Variants in FBXL16 observed in about 807,000 individuals in gnomAD.
FBXL16 encodes F-box/LRR-repeat protein 16.
A neutral mutation model predicts 36.7 loss-of-function variants in FBXL16; 7 were observed. That is an observed-to-expected ratio of 0.19 (90% confidence interval 0.11 to 0.36). The LOEUF is 0.36. Ranked by LOEUF, FBXL16 falls within the 10% of genes least tolerant of loss-of-function variation. FBXL16 has a pLI of 1.00. For missense variants in FBXL16, 463 were observed against 659.4 expected, an observed-to-expected ratio of 0.70 and a Z score of 3.26; for synonymous variants, 355 against 308.7, an observed-to-expected ratio of 1.15 and a Z score of -1.57.
In FBXL16 at chr16:694,388, G is replaced by A. The variant is rs768934814; in HGVS notation, c.1327C>T (p.Leu443=). 2 of 1,545,236 alleles carry A rather than the reference G, an allele frequency of 1.3e-6. No homozygotes were observed. Among genetic ancestry groups the A allele is most frequent in the Non-Finnish European group, 1.7e-6 (2 of 1,155,052 alleles). The change falls in exon 6 of 6, where the codon CTG becomes TTG. Residue 443 remains leucine (L), a synonymous_variant. Transcript: ENST00000397621. ...TCCTCCAGCTCCTGCAGCTGCACCA[G>A]GCCCGACAGCCCGGTGGTGGTGAGC... ...PLLTTTGLSG[L]VQLQELEELE...
rs769174917 is a variant in FBXL16 at position 692,684 on chromosome 16, C to T, written c.*1591G>A. On this transcript the variant is annotated 3_prime_UTR_variant, in exon 6 of 6. Coordinates refer to ENST00000397621, the MANE Select transcript of FBXL16 (RefSeq NM_153350.4). ...GTTTTCCTCTCTCCCCTTAATTTTT[C>T]CTCCTACAGTCGTTGGAAATATCAC... 1 of 152,492 alleles carries T rather than the reference C, an allele frequency of 6.6e-6. No individual in the cohort carries two copies. The highest frequency in any genetic ancestry group is 2.4e-5 in the African/African-American group (1 of 41,420). 9.4% of individuals were successfully genotyped at this position (152,492 alleles called of 1,614,324 possible).
rs953622450 is a variant in FBXL16 at position 693,282 on chromosome 16, C to G, written c.*993G>C. 1 of 152,364 alleles carries G rather than the reference C, an allele frequency of 6.6e-6. No homozygotes were observed. Among genetic ancestry groups the G allele is most frequent in the Admixed American group, 6.5e-5 (1 of 15,282 alleles). The allele number at this position is 152,364 out of a possible 1,614,324, so 9.4% of individuals were successfully genotyped here. The stretch of plus-strand genomic sequence containing the variant: ...CGCTGACCCAGTGCTGACCCTGACC[C>G]TTGGCTGGGTCCACTCTGCAGACTC... On this transcript the variant is annotated 3_prime_UTR_variant, in exon 6 of 6. Transcript: ENST00000397621.
Position 695,291 on chromosome 16 carries a change from C to G in FBXL16, c.1142+124G>C, listed in dbSNP as rs540546802. ...CTCCCCAGGCTCCGAGGGCTCTGCC[C>G]GCCGCGCCACAGCCCCAGCCCCGCC... On this transcript the variant is annotated intron_variant, in intron 3 of 5. Coordinates refer to ENST00000397621, the MANE Select transcript of FBXL16 (RefSeq NM_153350.4). 158 of 1,176,806 alleles carry G rather than the reference C, an allele frequency of 1.3e-4. No homozygotes were observed. In the African/African-American group the frequency reaches 2.3e-3, roughly 17 times the overall value. 72.9% of individuals were successfully genotyped at this position (1,176,806 alleles called of 1,614,324 possible).
chr16:694,211 G>A lies in FBXL16; in HGVS notation c.*64C>T, dbSNP rs1338408223. ...GCGCAAGGCGGGAAGAGGGGGCTCGGCGGCGCCCCGCGCCCCCGCCCAGGT... is the reference window on the plus strand; with the variant it reads ...GCGCAAGGCGGGAAGAGGGGGCTCGACGGCGCCCCGCGCCCCCGCCCAGGT... On this transcript the variant is annotated 3_prime_UTR_variant, in exon 6 of 6. Coordinates refer to ENST00000397621, the MANE Select transcript of FBXL16 (RefSeq NM_153350.4). 10 of 1,181,462 alleles carry A rather than the reference G, an allele frequency of 8.5e-6. No individual in the cohort carries two copies. The African/African-American group carries it at 1.6e-4, about 19-fold the overall frequency. The allele number at this position is 1,181,462 out of a possible 1,614,324, so 73.2% of individuals were successfully genotyped here. A position where few individuals can be genotyped will look rare whatever the true frequency, so the allele number is the denominator to read the frequency against.
In FBXL16 at chr16:694,406, T is replaced by C; in HGVS notation, c.1309A>G (p.Thr437Ala). ...TGCACCAGGCCCGACAGCCCGGTGG[T>C]GGTGAGCAGCGGGCAGCCTGCGGCG... The part of the protein sequence containing the change: ...LSLAGCPLLT[T>A]TGLSGLVQLQ... Residue 437 changes from threonine to alanine, a missense_variant, in exon 6 of 6, where the codon ACC (threonine) becomes GCC (alanine). By Grantham distance (58) the Thr-to-Ala change is moderately conservative. This residue lies in a region of FBXL16 where 134 missense variants were observed against 172.0 expected (regional missense o/e 0.78). Coordinates refer to ENST00000397621, the MANE Select transcript of FBXL16 (RefSeq NM_153350.4). The C allele has an allele frequency of 1.3e-6, 2 of 1,549,266 alleles. No individual in the cohort carries two copies. Among genetic ancestry groups the C allele is most frequent in the Non-Finnish European group, 1.7e-6 (2 of 1,156,372 alleles).
chr16:694,534 G>C, intron 5 of FBXL16, 100 bp downstream of exon 5: 1 of 1,511,162 alleles, frequency 6.6e-7, no homozygotes, highest in African/African-American at 1.4e-5. Context: ...GTGTGTCCGC[G>C]CCGGGTGTGA....
At position 695,939 on chromosome 16, in the gene FBXL16, C is replaced by A; in HGVS notation, c.634-16G>T. ...CAAGCATAACCTGCAGGCGGGCGGGCGCCGGGTCAGGATTGCAGGAGAAGG... is the reference window on the plus strand; with the variant it reads ...CAAGCATAACCTGCAGGCGGGCGGGAGCCGGGTCAGGATTGCAGGAGAAGG... On this transcript the variant is annotated splice_polypyrimidine_tract_variant and intron_variant, in intron 2 of 5. Transcript: ENST00000397621. The A allele has an allele frequency of 6.4e-7, 1 of 1,562,174 alleles. No individual in the cohort carries two copies. The highest frequency in any genetic ancestry group is 1.2e-5 in the South Asian group (1 of 85,098).
chr16:700,784 G>A (rs552877212), intron 1 of FBXL16, among the ~76,000 whole-genome samples: 1 of 152,124 alleles, frequency 6.6e-6, no homozygotes, highest in South Asian at 2.1e-4. Context: ...CGCCACCCGC[G>A]CCAGCACCAT....
chr16:695,406 G>A lies in FBXL16; in HGVS notation c.1142+9C>T. The A allele has an allele frequency of 1.3e-6, 2 of 1,524,024 alleles. No homozygotes were observed. Among genetic ancestry groups the A allele is most frequent in the Non-Finnish European group, 1.8e-6 (2 of 1,139,870 alleles). 94.4% of individuals were successfully genotyped at this position (1,524,024 alleles called of 1,614,324 possible). On this transcript the variant is annotated intron_variant, in intron 3 of 5. Coordinates refer to ENST00000397621, the MANE Select transcript of FBXL16 (RefSeq NM_153350.4). ...CCAGCCCCGCCCGGCGCGGCCCGGGGGCGCGCACCTGTCGAGCACGAGCTC... is the reference window on the plus strand; with the variant it reads ...CCAGCCCCGCCCGGCGCGGCCCGGGAGCGCGCACCTGTCGAGCACGAGCTC...
In FBXL16 at chr16:695,081, G is replaced by A; in HGVS notation, c.1143-5C>T. On this transcript the variant is annotated splice_polypyrimidine_tract_variant and splice_region_variant and intron_variant, in intron 3 of 5. Transcript: ENST00000397621. ...GTGTCCGTGATGCGTACACACCTGT[G>A]GTTGCACCAGAGGGGACCCCCACCT... 6.2e-7 allele frequency: 1 copy of A among 1,605,848 alleles called. No homozygotes were observed. The highest frequency in any genetic ancestry group is 1.1e-5 in the South Asian group (1 of 89,638).
At chr16:704,706 T>TG (rs1376818903) in intron 1 of FBXL16, among the ~76,000 whole-genome samples, 1 of 152,070 alleles carries the variant, frequency 6.6e-6, no homozygotes, top group African/African-American at 2.4e-5. Context: ...TGCACGGGTG[T>TG]GGGGGAAGGG....
intron 1 of FBXL16, among the ~76,000 whole-genome samples, chr16:701,596 C>G (rs1024848385): frequency 2.0e-5 from 3 of 152,182 alleles, no homozygotes; most frequent in Non-Finnish European, 2.9e-5. Flanking sequence ...CTGCTTGGCC[C>G]TGGGCCCGGC....
chr16:694,794 G>C, intron 4 of FBXL16, 97 bp from the exon 5 acceptor site: 1 of 1,389,410 alleles, frequency 7.2e-7, no homozygotes. Context: ...CAAGCCCGGG[G>C]TTCCTCCGTC....
At position 695,938 on chromosome 16, in the gene FBXL16, G is replaced by A. The variant is rs1190579638; in HGVS notation, c.634-15C>T. The A allele has an allele frequency of 6.4e-7, 1 of 1,564,508 alleles. No homozygotes were observed. Among genetic ancestry groups the A allele is most frequent in the East Asian group, 2.3e-5 (1 of 44,118 alleles). On this transcript the variant is annotated splice_polypyrimidine_tract_variant and intron_variant, in intron 2 of 5. Transcript: ENST00000397621. ...TCAAGCATAACCTGCAGGCGGGCGG[G>A]CGCCGGGTCAGGATTGCAGGAGAAG...
chr16:701,223 G>A (rs1163842210), intron 1 of FBXL16, among the ~76,000 whole-genome samples: 1 of 152,152 alleles, frequency 6.6e-6, no homozygotes, highest in Non-Finnish European at 1.5e-5. Flanking sequence ...GCTGAGGAGC[G>A]GCCGTCTGGG....
chr16:703,707 G>A (rs2040072186), intron 1 of FBXL16, among the ~76,000 whole-genome samples: 1 of 152,242 alleles, frequency 6.6e-6, no homozygotes, highest in African/African-American at 2.4e-5. Flanking sequence ...GGGGCTCTGA[G>A]GAGGGGCACC....
rs774015175 is a variant in FBXL16, at chr16:697,033, G to A, written c.373C>T (p.Arg125Trp). ...CVLAQVCKAW[R>W]RVLYQPKFWA... is the part of the protein sequence containing the mutation. ...AACTTGGGCTGGTACAGCACGCGCCGCCAGGCCTTGCACACCTGGGCCAGC... is the reference window on the plus strand; with the variant it reads ...AACTTGGGCTGGTACAGCACGCGCCACCAGGCCTTGCACACCTGGGCCAGC... Residue 125 changes from arginine to tryptophan, a missense_variant, in exon 2 of 6, where the codon CGG becomes TGG. Physicochemically the swap from Arg to Trp is moderately radical, Grantham distance 101. This residue lies in a region of FBXL16 where 263 missense variants were observed against 341.1 expected (regional missense o/e 0.77). Coordinates refer to ENST00000397621, the MANE Select transcript of FBXL16 (RefSeq NM_153350.4). This position sits in a 1 kb window ranked among gnomAD's most constrained non-coding sequence, Gnocchi z 4.6. The A allele has an allele frequency of 6.9e-6, 11 of 1,597,434 alleles. No individual in the cohort carries two copies. The highest frequency in any genetic ancestry group is 2.2e-5 in the East Asian group (1 of 44,612).
intron 2 of FBXL16, 180 bp from the exon 3 acceptor site, chr16:696,103 G>T (rs2040009217): frequency 8.0e-6 from 7 of 875,394 alleles, no homozygotes; most frequent in Non-Finnish European, 1.2e-5. Flanking sequence ...GGGGGCGTTG[G>T]CACCAGCGTT....
At chr16:700,512 G>A (rs1289855871) in intron 1 of FBXL16, among the ~76,000 whole-genome samples, 2 of 152,194 alleles carry the variant, frequency 1.3e-5, no homozygotes, top group Non-Finnish European at 2.9e-5. Flanking sequence ...CAGGTTTGGG[G>A]AAGGAACACG....
Sources: allele counts gnomAD v4.1 joint callset (sites outside exome capture counted in the v4.1 genomes callset), GRCh38; gene constraint gnomAD v4.1.1; regional missense constraint gnomAD v4.1.1; non-coding constraint Gnocchi (gnomAD v3.1); transcripts MANE v1.5; gene names NCBI Gene and HGNC (gene_info 2026-07-23, HGNC 2026-07-21).